TECTA: variants seen among roughly 807,000 people sequenced by gnomAD.
The protein encoded by TECTA is alpha-tectorin.
In TECTA, 128 loss-of-function variants were observed where a neutral mutation model predicts 216.8. The observed-to-expected ratio is 0.59, with a 90% CI of 0.51 to 0.68. TECTA has a LOEUF of 0.68. Ranked by LOEUF, TECTA falls within the 30% of genes least tolerant of loss-of-function variation. The pLI is 0.00. For synonymous variants in TECTA, 1,089 were observed against 1,117.1 expected (o/e 0.97, Z 0.50); for missense variants, 2,551 against 2,786.2 (o/e 0.92, Z 1.90).
intron 10 of TECTA, among the ~76,000 whole-genome samples, chr11:121,135,292 TTAAA>T (rs1946714826): frequency 6.6e-6 from 1 of 152,346 alleles, no homozygotes; most frequent in East Asian, 1.9e-4. Flanking sequence ...GGCTGCCCAA[TTAAA>T]TAATTTCACA....
chr11:121,138,010 G>A lies in TECTA; in HGVS notation c.3531G>A (p.Lys1177=). 1 of 1,613,906 alleles carries A rather than the reference G, an allele frequency of 6.2e-7. No individual in the cohort carries two copies. Among genetic ancestry groups the A allele is most frequent in the Non-Finnish European group, 8.5e-7 (1 of 1,179,782 alleles). Residue 1177 remains lysine (K), a synonymous_variant, in exon 11 of 24, where the codon AAG becomes AAA. Transcript: ENST00000392793. ...GCATCGTGATCCACCGAGCTTACAA[G>A]CACACTGTGCTGGTGAGTAGTCATG... ...GYSIVIHRAY[K]HTVLVNSERL... is the part of the protein sequence containing the mutation.
rs1297058039 is a variant in TECTA at position 121,158,345 on chromosome 11, A to G, written c.4689+121A>G. On this transcript the variant is annotated intron_variant, in intron 14 of 23. Transcript: ENST00000392793. ...ATAGATTGTTGCTTCATGGTGTTCC[A>G]CACACAGTGACCAGGTTTTAAAGAA... is the stretch of plus-strand genomic sequence containing the variant. 8.4e-6 allele frequency: 11 copies of G among 1,312,454 alleles called. No homozygotes were observed. In the African/African-American group the frequency reaches 1.4e-4, roughly 17 times the overall value. 81.3% of individuals were successfully genotyped at this position (1,312,454 alleles called of 1,614,324 possible). A position where few individuals can be genotyped will look rare whatever the true frequency, so the allele number is the denominator to read the frequency against.
intron 16 of TECTA, 25 bp from the exon 17 acceptor site, chr11:121,165,248 T>G: frequency 1.3e-6 from 2 of 1,569,054 alleles, no homozygotes; most frequent in Non-Finnish European, 1.7e-6. Context: ...AAGTTGTGCA[T>G]GTTTCTGTGT....
At chr11:121,121,855 T>C (rs1405703606) in intron 7 of TECTA, among the ~76,000 whole-genome samples, 2 of 152,176 alleles carry the variant, frequency 1.3e-5, no homozygotes, top group African/African-American at 4.8e-5. Context: ...TATACCAACA[T>C]TGGGGAAGAT....
chr11:121,145,782 T>C lies in TECTA; in HGVS notation c.3771T>C (p.Gly1257=). 2 of 1,614,112 alleles carry C rather than the reference T, an allele frequency of 1.2e-6. No individual in the cohort carries two copies. Among genetic ancestry groups the C allele is most frequent in the Non-Finnish European group, 1.7e-6 (2 of 1,180,022 alleles). The part of the protein sequence containing the change: ...NPDDDLEMPM[G]LLASSVNEFG... ...ATGATGACCTGGAGATGCCCATGGG[T>C]CTGCTTGCATCGAGTGTCAATGAGT... Residue 1257 remains glycine, a synonymous_variant, in exon 12 of 24, where the codon GGT becomes GGC. Coordinates refer to ENST00000392793, the MANE Select transcript of TECTA (RefSeq NM_005422.4).
rs936786246 is a variant in TECTA, at chr11:121,183,595, C to T, written c.6000-4237C>T. On this transcript the variant is annotated intron_variant, in intron 20 of 23. Coordinates refer to ENST00000392793, the MANE Select transcript of TECTA (RefSeq NM_005422.4). The stretch of plus-strand genomic sequence containing the variant: ...TCCTCTGTCCCTCTTTTGTTGAATT[C>T]CAGTGTTCTTTCTTTGATGCTCTAT... Among the ~76,000 whole-genome samples the T allele has an allele frequency of 3.9e-5, 6 of 152,170 alleles. No individual in the cohort carries two copies. The East Asian group carries it at 1.2e-3, about 29-fold the overall frequency.
In TECTA at chr11:121,129,711, G is replaced by A; in HGVS notation, c.2441G>A (p.Ser814Asn). 5 of 1,614,188 alleles carry A rather than the reference G, an allele frequency of 3.1e-6. No individual in the cohort carries two copies. The highest frequency in any genetic ancestry group is 4.2e-6 in the Non-Finnish European group (5 of 1,180,044). Residue 814 changes from serine to asparagine, a missense_variant, in exon 10 of 24, where the codon AGT becomes AAT. Ser to Asn is a conservative substitution (Grantham distance 46). Transcript: ENST00000392793. Reference protein sequence around the residue: ...GKLEIYRNKNSTTVESKGVVT... With the variant: ...GKLEIYRNKNNTTVESKGVVT... ...CTGGAAATTTATCGAAACAAAAACA[G>A]TACGACAGTGGAGTCCAAGGGCGTG... is the stretch of plus-strand genomic sequence containing the variant.
At chr11:121,149,052 T>C (rs567004519) in intron 12 of TECTA, among the ~76,000 whole-genome samples, 1 of 152,324 alleles carries the variant, frequency 6.6e-6, no homozygotes, top group South Asian at 2.1e-4. Context: ...AGGTTCTAAG[T>C]GGGATCTGGG....
chr11:121,132,368 G>A (rs945723334), intron 10 of TECTA, among the ~76,000 whole-genome samples: 6 of 152,284 alleles, frequency 3.9e-5, no homozygotes, highest in African/African-American at 9.6e-5. Context: ...TTCATCATTC[G>A]TTGCTTTCCA....
chr11:121,182,710 C>T (rs1371998991), intron 20 of TECTA, among the ~76,000 whole-genome samples: 1 of 152,034 alleles, frequency 6.6e-6, no homozygotes, highest in East Asian at 1.9e-4. Context: ...CCCTAAATCC[C>T]CCCAACGACA....
At chr11:121,143,869 C>CTT (rs1453149989) in intron 11 of TECTA, among the ~76,000 whole-genome samples, 3 of 152,234 alleles carry the variant, frequency 2.0e-5, no homozygotes, top group Non-Finnish European at 4.4e-5. Context: ...TGCAGACCAG[C>CTT]TTTAGCCTGG....
intron 7 of TECTA, among the ~76,000 whole-genome samples, chr11:121,122,315 G>A (rs763758933): frequency 6.6e-6 from 1 of 152,154 alleles, no homozygotes; most frequent in Non-Finnish European, 1.5e-5. Flanking sequence ...TTCACCATAT[G>A]TGAACACAGC....
chr11:121,175,288 G>T (rs1162963942), intron 20 of TECTA, among the ~76,000 whole-genome samples: 4 of 151,420 alleles, frequency 2.6e-5, no homozygotes, highest in Non-Finnish European at 5.9e-5. Context: ...TGATGTTAGG[G>T]TGTCAATTTT....
intron 7 of TECTA, among the ~76,000 whole-genome samples, chr11:121,123,159 A>G (rs2135074169): frequency 1.3e-5 from 2 of 152,322 alleles, no homozygotes; most frequent in Admixed American, 1.3e-4. Flanking sequence ...CACCCTGGAA[A>G]GTTTATGTGC....
chr11:121,137,989 C>A lies in TECTA; in HGVS notation c.3510C>A (p.Ile1170=). ...ACGTGACCGTGTTTGGCTACAGCAT[C>A]GTGATCCACCGAGCTTACAAGCACA... is the stretch of plus-strand genomic sequence containing the variant. ...QVDVTVFGYS[I]VIHRAYKHTV... Residue 1170 remains isoleucine (I), a synonymous_variant, in exon 11 of 24, where the codon ATC becomes ATA. Transcript: ENST00000392793. The A allele has an allele frequency of 6.2e-7, 1 of 1,613,654 alleles. No homozygotes were observed. The highest frequency in any genetic ancestry group is 8.5e-7 in the Non-Finnish European group (1 of 1,179,598).
intron 14 of TECTA, among the ~76,000 whole-genome samples, chr11:121,159,708 G>T (rs1001712290): frequency 6.6e-6 from 1 of 152,212 alleles, no homozygotes; most frequent in African/African-American, 2.4e-5. Flanking sequence ...ACAGGATTGG[G>T]ATTTCATTTT....
chr11:121,166,975 A>T (rs964491367), intron 18 of TECTA, among the ~76,000 whole-genome samples, 195 bp downstream of exon 18: 9 of 152,234 alleles, frequency 5.9e-5, no homozygotes, highest in Non-Finnish European at 1.2e-4. Flanking sequence ...GACGGAGTTG[A>T]AAGAGTGATG....
At chr11:121,153,134 C>T in intron 13 of TECTA, 54 bp downstream of exon 13, 1 of 1,569,796 alleles carries the variant, frequency 6.4e-7, no homozygotes, top group Non-Finnish European at 8.6e-7. Flanking sequence ...GATTCCTCTC[C>T]AACTCTAAGA....
chr11:121,127,859 A>C lies in TECTA; in HGVS notation c.1882A>C (p.Thr628Pro), dbSNP rs770676754. 1 of 1,614,056 alleles carries C rather than the reference A, an allele frequency of 6.2e-7. No individual in the cohort carries two copies. Among genetic ancestry groups the C allele is most frequent in the Non-Finnish European group, 8.5e-7 (1 of 1,180,022 alleles). ...CTCGCGGAACTGCGCCACGCCGTGC[A>C]CAGAGGGCTGCGAGTGCAACCAGGG... The part of the protein sequence containing the change: ...TASRNCATPC[T>P]EGCECNQGFV... Residue 628 changes from threonine (T) to proline (P), a missense_variant, in exon 9 of 24, where the codon ACA becomes CCA. Transcript: ENST00000392793. This position sits in a 1 kb window ranked among gnomAD's most constrained non-coding sequence, Gnocchi z 5.0.
Sources: gnomAD v4.1 joint callset for allele counts (sites outside exome capture counted in the v4.1 genomes callset) on GRCh38, gnomAD v4.1.1 for gene constraint, Gnocchi (gnomAD v3.1) non-coding constraint, MANE v1.5 for transcripts, NCBI Gene and HGNC (gene_info 2026-07-23, HGNC 2026-07-21) for gene names.